HPCAL1: variants seen among roughly 807,000 people sequenced by gnomAD.
HPCAL1 encodes the protein hippocalcin-like protein 1.
In HPCAL1, 8 loss-of-function variants were observed where a neutral mutation model predicts 17.1. That is an observed-to-expected ratio of 0.47 (90% CI 0.27 to 0.84). HPCAL1 has a LOEUF of 0.84. Among genes scored for constraint, HPCAL1 ranks in the 40% least tolerant of loss-of-function variants. The pLI is 0.13. For missense variants in HPCAL1, 165 were observed against 271.1 expected (o/e 0.61, Z 2.75); for synonymous variants, 112 against 111.4 (o/e 1.01, Z -0.03).
chr2:10,346,600 T>G (rs1249969752), intron 1 of HPCAL1, among the ~76,000 whole-genome samples: 2 of 152,202 alleles, frequency 1.3e-5, no homozygotes, highest in Non-Finnish European at 2.9e-5. Flanking sequence ...CCAGTTGACA[T>G]AACCGGTCTA....
chr2:10,318,091 G>A (rs1055929961), intron 1 of HPCAL1, among the ~76,000 whole-genome samples: 1 of 152,170 alleles, frequency 6.6e-6, no homozygotes, highest in Non-Finnish European at 1.5e-5. Flanking sequence ...AATCCTATTT[G>A]TGCATATTCT....
At chr2:10,391,356 T>C (rs13000397) in intron 1 of HPCAL1, among the ~76,000 whole-genome samples, 1,722 of 152,338 alleles carry the variant, frequency 0.011, 11 homozygotes, top group Middle Eastern at 0.027. Context: ...GTGACTCTGC[T>C]CTTTGCTCTC....
rs566025487 is a variant in HPCAL1, at chr2:10,416,687, T to C, written c.-24-3047T>C. Among the ~76,000 whole-genome samples, 6 of 150,586 alleles carry C rather than the reference T, an allele frequency of 4.0e-5. No homozygotes were observed. The East Asian group carries it at 1.3e-3, about 33-fold the overall frequency. ...AGGTATTTTGGTAGTAGTGATCTTCTGATTTTACATTCCCTTTTTTTTTTT... is the reference window on the plus strand; with the variant it reads ...AGGTATTTTGGTAGTAGTGATCTTCCGATTTTACATTCCCTTTTTTTTTTT... On this transcript the variant is annotated intron_variant, in intron 2 of 4. Coordinates refer to ENST00000307845, the MANE Select transcript of HPCAL1 (RefSeq NM_002149.4).
At chr2:10,326,079 C>T (rs1384295878) in intron 1 of HPCAL1, among the ~76,000 whole-genome samples, 1 of 152,346 alleles carries the variant, frequency 6.6e-6, no homozygotes, top group Non-Finnish European at 1.5e-5. Flanking sequence ...GTTCGTCAGG[C>T]CTGTCCGTCA....
rs1018473513 is a variant in HPCAL1, at chr2:10,419,251, G to A, written c.-24-483G>A. 1.3e-5 allele frequency among the ~76,000 whole-genome samples: 2 copies of A among 151,962 alleles called. No homozygotes were observed. The highest frequency in any genetic ancestry group is 2.9e-5 in the Non-Finnish European group (2 of 67,970). The stretch of plus-strand genomic sequence containing the variant: ...AATAAACAAATAAAGAAGGTGGGTG[G>A]GGGTGACTCCCTGAAAGTTTCTAGA... On this transcript the variant is annotated intron_variant, in intron 2 of 4. Coordinates refer to ENST00000307845, the MANE Select transcript of HPCAL1 (RefSeq NM_002149.4). The surrounding 1 kb of genome is among the most constrained non-coding windows in gnomAD (Gnocchi z 5.0).
intron 2 of HPCAL1, among the ~76,000 whole-genome samples, chr2:10,415,427 A>G (rs1167227400): frequency 1.3e-5 from 2 of 152,044 alleles, no homozygotes; most frequent in Non-Finnish European, 2.9e-5. Context: ...AAGCGCTCCT[A>G]GGACACTTGC....
chr2:10,391,326 C>CA (rs1461049583), intron 1 of HPCAL1, among the ~76,000 whole-genome samples: 4 of 152,196 alleles, frequency 2.6e-5, no homozygotes, highest in Non-Finnish European at 4.4e-5. Context: ...GGAAGCTCTA[C>CA]ACTCTGTCCC....
At chr2:10,409,793 T>C (rs1444185118) in intron 2 of HPCAL1, among the ~76,000 whole-genome samples, 3 of 135,644 alleles carry the variant, frequency 2.2e-5, no homozygotes, top group East Asian at 2.1e-4. Flanking sequence ...TTTTTTTTTT[T>C]TTTTTTTTTT....
In HPCAL1 at chr2:10,347,008, G is replaced by A. The variant is rs866949637; in HGVS notation, c.-111+43831G>A. On this transcript the variant is annotated intron_variant, in intron 1 of 4. Coordinates refer to ENST00000307845, the MANE Select transcript of HPCAL1 (RefSeq NM_002149.4). ...GGGATTTATATTTGTTTGCAGAGTG[G>A]TGCGAACTGTTTTCATCCTCAGAGG... Among the ~76,000 whole-genome samples the A allele has an allele frequency of 6.9e-4, 87 of 126,312 alleles. 1 individual carries two copies. Among genetic ancestry groups the A allele is most frequent in the Admixed American group, 5.1e-4 (5 of 9,834 alleles). The allele number at this position is 126,312 out of a possible 152,430, so 82.9% of individuals were successfully genotyped here.
rs565648452 is a variant in HPCAL1, at chr2:10,359,896, T to TGCCCGCCGGGTCCACAGC, written c.-110-36898_-110-36881dup. On this transcript the variant is annotated intron_variant, in intron 1 of 4. Transcript: ENST00000307845. This position sits in a 1 kb window ranked among gnomAD's most constrained non-coding sequence, Gnocchi z 4.1. ...ACCTGCCTCCTGCCTCCTTCCACAG[T>TGCCCGCCGGGTCCACAGC]GCCCGCCGGGTCCACAGCGCCCGCC... Among the ~76,000 whole-genome samples, 134 of 149,694 alleles carry TGCCCGCCGGGTCCACAGC rather than the reference T, an allele frequency of 9.0e-4. 1 individual carries two copies. Among genetic ancestry groups the TGCCCGCCGGGTCCACAGC allele is most frequent in the African/African-American group, 3.1e-3 (122 of 39,690 alleles).
At chr2:10,335,898 A>G (rs1664683794) in intron 1 of HPCAL1, among the ~76,000 whole-genome samples, 1 of 152,150 alleles carries the variant, frequency 6.6e-6, no homozygotes, top group Non-Finnish European at 1.5e-5. Context: ...TCGATACATT[A>G]TTGTCCTTTC....
rs1666290926 is a variant in HPCAL1 at position 10,358,113 on chromosome 2, C to G, written c.-110-38722C>G. Among the ~76,000 whole-genome samples, 3 of 152,260 alleles carry G rather than the reference C, an allele frequency of 2.0e-5. No individual in the cohort carries two copies. In the South Asian group the frequency reaches 6.2e-4, roughly 31 times the overall value. On this transcript the variant is annotated intron_variant, in intron 1 of 4. Transcript: ENST00000307845. ...GAGTTGCTGGAAGAAGGAGAAGGCT[C>G]AGCACCAGCTTCTGGCTAAAATCGT... is the stretch of plus-strand genomic sequence containing the variant.
intron 2 of HPCAL1, among the ~76,000 whole-genome samples, chr2:10,399,540 A>ACCGCCGCCG (rs1669433024): frequency 8.9e-6 from 1 of 112,736 alleles, no homozygotes; most frequent in Admixed American, 8.1e-5. Context: ...TGCCACCGCC[A>ACCGCCGCCG]CCATCACCGC....
At chr2:10,314,317 T>C (rs941075251) in intron 1 of HPCAL1, among the ~76,000 whole-genome samples, 1 of 152,050 alleles carries the variant, frequency 6.6e-6, no homozygotes, top group African/African-American at 2.4e-5. Flanking sequence ...CAGGAAGATA[T>C]TAAGGTTGGA....
intron 1 of HPCAL1, among the ~76,000 whole-genome samples, chr2:10,355,687 G>A (rs906071373): frequency 1.2e-4 from 18 of 152,142 alleles, no homozygotes; most frequent in Non-Finnish European, 2.2e-4. Flanking sequence ...CACCTCCTCC[G>A]TTCTTGCCCA....
At chr2:10,397,059 G>A (rs1025480710) in intron 2 of HPCAL1, 139 bp downstream of exon 2, 3 of 152,304 alleles carry the variant, frequency 2.0e-5, no homozygotes, top group African/African-American at 7.2e-5. Context: ...GGAAGACTGG[G>A]CGTGGGGGGC....
At chr2:10,338,146 C>A (rs1664831338) in intron 1 of HPCAL1, among the ~76,000 whole-genome samples, 1 of 151,916 alleles carries the variant, frequency 6.6e-6, no homozygotes. Context: ...TCTAAAGAGA[C>A]AGAAAATAGA....
intron 1 of HPCAL1, among the ~76,000 whole-genome samples, chr2:10,348,847 C>A (rs993359979): frequency 3.3e-5 from 5 of 152,256 alleles, no homozygotes; most frequent in Middle Eastern, 6.8e-3. Flanking sequence ...GTATGATGTT[C>A]GTTGAACCCA....
chr2:10,416,484 G>T (rs1171446289), intron 2 of HPCAL1, among the ~76,000 whole-genome samples: 2 of 152,222 alleles, frequency 1.3e-5, no homozygotes, highest in Non-Finnish European at 2.9e-5. Context: ...ACATCTCCAA[G>T]CCAGGTCCAG....
Sources: gnomAD v4.1 joint callset for allele counts (sites outside exome capture counted in the v4.1 genomes callset) on GRCh38, gnomAD v4.1.1 for gene constraint, Gnocchi (gnomAD v3.1) non-coding constraint, MANE v1.5 for transcripts, NCBI Gene and HGNC (gene_info 2026-07-23, HGNC 2026-07-21) for gene names.